Variants in URB2 observed in about 807,000 individuals in gnomAD.
The protein encoded by URB2 is URB2 ribosome biogenesis homolog.
URB2 carries 86 observed loss-of-function variants against 120.9 expected under a neutral mutation model. The ratio of observed to expected loss-of-function variants is 0.71; its 90% CI spans 0.60 to 0.85. The LOEUF is 0.85. Among genes scored for constraint, URB2 ranks in the 40% least tolerant of loss-of-function variants. The pLI is 0.00. For missense variants in URB2, 1,765 were observed against 1,836.5 expected (o/e 0.96, Z 0.71); for synonymous variants, 755 against 758.4 (o/e 1.00, Z 0.07).
At chr1:229,643,804 G>A in intron 5 of URB2, 111 bp downstream of exon 5, 1 of 1,405,804 alleles carries the variant, frequency 7.1e-7, no homozygotes, top group African/African-American at 1.4e-5. Context: ...GTTCTAACTG[G>A]TAGAGACTCT....
At chr1:229,647,818 A>G (rs755887304) in intron 7 of URB2, 66 bp downstream of exon 7, 8 of 1,549,186 alleles carry the variant, frequency 5.2e-6, no homozygotes, top group Admixed American at 2.0e-5. Flanking sequence ...AAGTCTGTAG[A>G]AAAGTGGCAG....
Position 229,628,225 on chromosome 1 carries a change from A to G in URB2, c.126+466A>G, listed in dbSNP as rs1251315687. The stretch of plus-strand genomic sequence containing the variant: ...TATATATATTATACATATACATATT[A>G]TATATGTATATATATTATACATATA... On this transcript the variant is annotated intron_variant, in intron 2 of 9. Coordinates refer to ENST00000258243, the MANE Select transcript of URB2 (RefSeq NM_014777.4). Among the ~76,000 whole-genome samples, 6 of 145,404 alleles carry G rather than the reference A, an allele frequency of 4.1e-5. No individual in the cohort carries two copies. In the East Asian group the frequency reaches 7.8e-4, roughly 19 times the overall value.
At chr1:229,651,117 A>G in intron 7 of URB2, 118 bp from the exon 8 acceptor site, 1 of 905,480 alleles carries the variant, frequency 1.1e-6, no homozygotes, top group Non-Finnish European at 1.6e-6. Context: ...GGCACACACA[A>G]CTGGTTTGAG....
intron 4 of URB2, among the ~76,000 whole-genome samples, chr1:229,642,226 G>A (rs1164430833): frequency 6.6e-6 from 1 of 152,154 alleles, no homozygotes; most frequent in Non-Finnish European, 1.5e-5. Context: ...GCCCTTGAAG[G>A]GTAGCTAGGG....
chr1:229,646,045 G>A, intron 6 of URB2, 76 bp downstream of exon 6: 1 of 1,378,460 alleles, frequency 7.3e-7, no homozygotes, highest in Non-Finnish European at 1.0e-6. Context: ...AGCCTTTTGG[G>A]GTCTGCTGCC....
chr1:229,634,860 T>C, intron 3 of URB2, 57 bp from the exon 4 acceptor site: 2 of 1,399,948 alleles, frequency 1.4e-6, no homozygotes, highest in African/African-American at 2.8e-5. Flanking sequence ...AATACTTTTC[T>C]TGTGTATGTA....
At chr1:229,644,489 T>C (rs958424969) in intron 5 of URB2, among the ~76,000 whole-genome samples, 1 of 151,980 alleles carries the variant, frequency 6.6e-6, no homozygotes, top group African/African-American at 2.4e-5. Context: ...GGGGACTTGA[T>C]TGGGGAGCAG....
At chr1:229,631,684 T>G (rs1665672076) in intron 2 of URB2, among the ~76,000 whole-genome samples, 1 of 152,216 alleles carries the variant, frequency 6.6e-6, no homozygotes, top group Non-Finnish European at 1.5e-5. Context: ...GCAGTCAGGA[T>G]GCATAGAACA....
chr1:229,657,914 C>T (rs1190049020), intron 9 of URB2, among the ~76,000 whole-genome samples: 2 of 152,186 alleles, frequency 1.3e-5, no homozygotes, highest in African/African-American at 4.8e-5. Context: ...ACTGTGTTTG[C>T]AGAGACACAT....
rs140673724 is a variant in URB2, at chr1:229,659,154, C to T, written c.4432C>T (p.Leu1478=). Residue 1478 remains leucine, a synonymous_variant, in exon 10 of 10, where the codon CTG becomes TTG. Transcript: ENST00000258243. ...GCTGCAGGAGGGCATTTACCTCATCCTGGACCTCTGCATCGAGCCTGACGT... is the reference window on the plus strand; with the variant it reads ...GCTGCAGGAGGGCATTTACCTCATCTTGGACCTCTGCATCGAGCCTGACGT... ...SLLQEGIYLI[L]DLCIEPDVQF... is the part of the protein sequence containing the mutation. 1.1e-3 allele frequency: 1,736 copies of T among 1,613,056 alleles called. 1 individual carries two copies. Among genetic ancestry groups the T allele is most frequent in the Non-Finnish European group, 1.3e-3 (1,510 of 1,180,036 alleles).
chr1:229,636,056 T>TGCTGAGGC lies in URB2; in HGVS notation c.1444_1451dup (p.Gln487HisfsTer2). On this transcript the variant is annotated frameshift_variant, in exon 4 of 10. Transcript: ENST00000258243. LOFTEE classifies it high-confidence loss of function. ...TTTTGGGGGTGATCTGTCGTCCAGC[T>TGCTGAGGC]GCTGAGGCACTGAGGCAGCCTGTGC... The TGCTGAGGC allele has an allele frequency of 2.5e-6, 4 of 1,614,182 alleles. No individual in the cohort carries two copies. The highest frequency in any genetic ancestry group is 3.4e-6 in the Non-Finnish European group (4 of 1,180,002).
chr1:229,647,204 C>G (rs116168345), intron 6 of URB2, among the ~76,000 whole-genome samples: 1 of 152,168 alleles, frequency 6.6e-6, no homozygotes, highest in African/African-American at 2.4e-5. Flanking sequence ...CCCAAAAGGC[C>G]TCACCAGGGC....
In URB2 at chr1:229,649,549, C is replaced by A. The variant is rs115496586; in HGVS notation, c.4150-1686C>A. Among the ~76,000 whole-genome samples, 1,061 of 152,262 alleles carry A rather than the reference C, an allele frequency of 7.0e-3. 15 individuals are homozygous for A. The highest frequency in any genetic ancestry group is 0.025 in the African/African-American group (1,022 of 41,540). Reference sequence around the variant, plus strand: ...TGGAGAAAATTGACAAGGATAATGACATGGTATTACAGTAAAGAATGATGT... The same window carrying A: ...TGGAGAAAATTGACAAGGATAATGAAATGGTATTACAGTAAAGAATGATGT... On this transcript the variant is annotated intron_variant, in intron 7 of 9. Transcript: ENST00000258243.
At position 229,645,803 on chromosome 1, in the gene URB2, G is replaced by A. The variant is rs564331711; in HGVS notation, c.3796-56G>A. 2.7e-6 allele frequency: 4 copies of A among 1,467,776 alleles called. No homozygotes were observed. The East Asian group carries it at 9.1e-5, about 33-fold the overall frequency. The allele number at this position is 1,467,776 out of a possible 1,614,324, so 90.9% of individuals were successfully genotyped here. On this transcript the variant is annotated intron_variant, in intron 5 of 9. Coordinates refer to ENST00000258243, the MANE Select transcript of URB2 (RefSeq NM_014777.4). Reference sequence around the variant, plus strand: ...AGAGCAGTCTTCTTCCCCAGGCGGAGTTCTTAAGGGAGAACACGCTATCTC... The same window carrying A: ...AGAGCAGTCTTCTTCCCCAGGCGGAATTCTTAAGGGAGAACACGCTATCTC...
rs757639897 is a variant in URB2, at chr1:229,636,942, G to A, written c.2329G>A (p.Glu777Lys). 2.5e-6 allele frequency: 4 copies of A among 1,613,950 alleles called. No homozygotes were observed. The Admixed American group carries it at 6.7e-5, about 27-fold the overall frequency. Residue 777 changes from glutamate to lysine, a missense_variant, in exon 4 of 10, where the codon GAA becomes AAA. Transcript: ENST00000258243. The stretch of plus-strand genomic sequence containing the variant: ...AACTTTACCCATGGGCAAAGCCCAG[G>A]AAGTCTCAATAGATGAAGAGGCATA... ...LRTLPMGKAQEVSIDEEAYIT... is the reference protein window; with the variant it reads ...LRTLPMGKAQKVSIDEEAYIT...
intron 8 of URB2, among the ~76,000 whole-genome samples, chr1:229,653,939 T>G (rs1021548034): frequency 4.1e-5 from 6 of 146,894 alleles, no homozygotes; most frequent in East Asian, 1.9e-4. Context: ...TCTTGGTGTT[T>G]TTTTTTTTTT....
chr1:229,628,842 A>G (rs1451752097), intron 2 of URB2, among the ~76,000 whole-genome samples: 1 of 152,260 alleles, frequency 6.6e-6, no homozygotes. Context: ...GGAAGACAGC[A>G]CAAAATGCTT....
Position 229,635,987 on chromosome 1 carries a change from G to C in URB2, c.1374G>C (p.Gln458His). The C allele has an allele frequency of 4.3e-6, 7 of 1,614,000 alleles. No individual in the cohort carries two copies. Among genetic ancestry groups the C allele is most frequent in the Non-Finnish European group, 5.9e-6 (7 of 1,179,878 alleles). The change falls in exon 4 of 10, where the codon CAG becomes CAC. Residue 458 changes from glutamine (Q) to histidine (H), a missense_variant. Coordinates refer to ENST00000258243, the MANE Select transcript of URB2 (RefSeq NM_014777.4). ...AGGCGCTTATTCGTACTGTCTTCCA[G>C]ACTTATGCCAAACTCCGACAAGTGC... ...AQEALIRTVF[Q>H]TYAKLRQVPR...
At chr1:229,648,393 C>T (rs1666200563) in intron 7 of URB2, among the ~76,000 whole-genome samples, 1 of 152,146 alleles carries the variant, frequency 6.6e-6, no homozygotes, top group Non-Finnish European at 1.5e-5. Context: ...TGTTTTTGCT[C>T]ACCACGTCTT....
Sources: allele counts gnomAD v4.1 joint callset (sites outside exome capture counted in the v4.1 genomes callset), GRCh38; gene constraint gnomAD v4.1.1; transcripts MANE v1.5; gene names NCBI Gene and HGNC (gene_info 2026-07-23, HGNC 2026-07-21).